Variants in KCNB2 observed in about 807,000 individuals in gnomAD.
KCNB2 encodes the protein delayed rectifier potassium channel protein.
A neutral mutation model predicts 61.5 loss-of-function variants in KCNB2; 15 were observed. The ratio of observed to expected loss-of-function variants is 0.24; its 90% CI spans 0.16 to 0.38. The LOEUF is 0.38. Ranked by LOEUF, KCNB2 falls within the 10% of genes least tolerant of loss-of-function variation. The pLI, the probability that KCNB2 is intolerant of heterozygous loss-of-function variation, is 1.00. For synonymous variants in KCNB2, 457 were observed against 446.0 expected (o/e 1.02, Z -0.31); for missense variants, 828 against 1,125.2 (o/e 0.74, Z 3.78).
chr8:72,930,498 G>A (rs1806756522), intron 2 of KCNB2, among the ~76,000 whole-genome samples: 1 of 152,150 alleles, frequency 6.6e-6, no homozygotes, highest in South Asian at 2.1e-4. Flanking sequence ...TCTAACTGGT[G>A]TGAGATGGTA....
At chr8:72,843,037 A>G (rs1809921373) in intron 2 of KCNB2, among the ~76,000 whole-genome samples, 1 of 152,088 alleles carries the variant, frequency 6.6e-6, no homozygotes, top group African/African-American at 2.4e-5. Flanking sequence ...TAGGGTGTCA[A>G]TTTTAGATCT....
At chr8:72,574,847 A>T (rs1451638670) in intron 2 of KCNB2, among the ~76,000 whole-genome samples, 1 of 151,998 alleles carries the variant, frequency 6.6e-6, no homozygotes, top group African/African-American at 2.4e-5. Flanking sequence ...TCAAGTGAGA[A>T]AGTTTGTAAA....
chr8:72,928,689 C>G (rs1236482195), intron 2 of KCNB2, among the ~76,000 whole-genome samples: 1 of 135,186 alleles, frequency 7.4e-6, no homozygotes, highest in Non-Finnish European at 1.5e-5. Context: ...CAGACACACA[C>G]ACACACACAC....
chr8:72,700,328 G>A (rs1034744381), intron 2 of KCNB2, among the ~76,000 whole-genome samples: 2 of 151,942 alleles, frequency 1.3e-5, no homozygotes, highest in Non-Finnish European at 2.9e-5. Flanking sequence ...AAACCTGCAC[G>A]TTCTGCACAT....
intron 2 of KCNB2, among the ~76,000 whole-genome samples, chr8:72,655,872 C>T (rs1250772666): frequency 6.6e-6 from 1 of 152,100 alleles, no homozygotes; most frequent in Non-Finnish European, 1.5e-5. Context: ...GGTTGCTGGG[C>T]AGTCAGTGCT....
At chr8:72,819,818 T>C (rs1809463016) in intron 2 of KCNB2, among the ~76,000 whole-genome samples, 1 of 152,202 alleles carries the variant, frequency 6.6e-6, no homozygotes, top group Non-Finnish European at 1.5e-5. Flanking sequence ...TTCTCATCTA[T>C]GTATTCCACT....
intron 2 of KCNB2, among the ~76,000 whole-genome samples, chr8:72,680,097 C>A (rs117976551): frequency 6.6e-6 from 1 of 152,136 alleles, no homozygotes; most frequent in African/African-American, 2.4e-5. Context: ...TATTGAATAC[C>A]TAATAAGATT....
At chr8:72,633,456 A>T (rs1805913793) in intron 2 of KCNB2, among the ~76,000 whole-genome samples, 1 of 152,150 alleles carries the variant, frequency 6.6e-6, no homozygotes, top group Admixed American at 6.5e-5. Flanking sequence ...CCAAAGTGCC[A>T]TTCGCCATGT....
intron 1 of KCNB2, among the ~76,000 whole-genome samples, chr8:72,547,402 T>G (rs1236163147): frequency 6.6e-6 from 1 of 152,192 alleles, no homozygotes; most frequent in Non-Finnish European, 1.5e-5. Context: ...ATTCCTCTGA[T>G]AGATCTGGAC....
At position 72,692,681 on chromosome 8, in the gene KCNB2, A is replaced by C. The variant is rs182659058; in HGVS notation, c.579+124368A>C. ...TCACAGATTATATAAGACAGCTTTTATATTTCTATAATTGTATTCCATATT... is the reference window on the plus strand; with the variant it reads ...TCACAGATTATATAAGACAGCTTTTCTATTTCTATAATTGTATTCCATATT... On this transcript the variant is annotated intron_variant, in intron 2 of 2. Coordinates refer to ENST00000523207, the MANE Select transcript of KCNB2 (RefSeq NM_004770.3). Among the ~76,000 whole-genome samples the C allele has an allele frequency of 2.1e-3, 320 of 152,032 alleles. 3 individuals carry two copies. The highest frequency in any genetic ancestry group is 7.3e-3 in the African/African-American group (301 of 41,504).
chr8:72,913,827 A>T lies in KCNB2; in HGVS notation c.580-22108A>T, dbSNP rs144506469. Among the ~76,000 whole-genome samples the T allele has an allele frequency of 1.9e-3, 285 of 152,290 alleles. 1 individual carries two copies. The highest frequency in any genetic ancestry group is 3.4e-3 in the Middle Eastern group (1 of 294). ...CTCCAGATATGACACTTTTCAACAA[A>T]CATTTCATGAATATATCATTGTTTG... On this transcript the variant is annotated intron_variant, in intron 2 of 2. Transcript: ENST00000523207.
chr8:72,901,344 C>T (rs13253030), intron 2 of KCNB2, among the ~76,000 whole-genome samples: 30,475 of 152,024 alleles, frequency 0.2, 3,209 homozygotes, highest in Non-Finnish European at 0.23. Context: ...AATAAAGAGA[C>T]GAAACCCTGC....
intron 2 of KCNB2, among the ~76,000 whole-genome samples, chr8:72,647,784 T>A (rs1054027138): frequency 4.6e-5 from 7 of 152,132 alleles, no homozygotes; most frequent in Non-Finnish European, 1.0e-4. Flanking sequence ...GCCCCCTAGC[T>A]GTCAATTATC....
chr8:72,546,146 A>G (rs537043784), intron 1 of KCNB2, among the ~76,000 whole-genome samples: 1 of 151,848 alleles, frequency 6.6e-6, no homozygotes, highest in African/African-American at 2.4e-5. Flanking sequence ...CTGTTTCTTC[A>G]AACAGAAGAA....
chr8:72,649,343 A>G (rs960156900), intron 2 of KCNB2, among the ~76,000 whole-genome samples: 3 of 152,146 alleles, frequency 2.0e-5, no homozygotes, highest in African/African-American at 4.8e-5. Flanking sequence ...ATATCAGTCA[A>G]TTTGCAAAGG....
chr8:72,615,610 A>G (rs1805608043), intron 2 of KCNB2, among the ~76,000 whole-genome samples: 1 of 152,170 alleles, frequency 6.6e-6, no homozygotes, highest in Non-Finnish European at 1.5e-5. Flanking sequence ...TCTGCCCCTT[A>G]AGAGGCCAGA....
chr8:72,855,566 T>C (rs1810193947), intron 2 of KCNB2, among the ~76,000 whole-genome samples: 1 of 152,204 alleles, frequency 6.6e-6, no homozygotes. Flanking sequence ...TTCCATATTA[T>C]TAAGCTTATT....
intron 2 of KCNB2, among the ~76,000 whole-genome samples, chr8:72,800,272 T>G (rs909411491): frequency 2.0e-5 from 3 of 152,162 alleles, no homozygotes; most frequent in Non-Finnish European, 2.9e-5. Context: ...CATCATGTCA[T>G]TGAATATAAC....
intron 2 of KCNB2, among the ~76,000 whole-genome samples, chr8:72,755,133 G>A (rs1000655741): frequency 6.6e-6 from 1 of 152,036 alleles, no homozygotes; most frequent in South Asian, 2.1e-4. Flanking sequence ...CAATTGAGGG[G>A]TGTTCTATAA....
Sources: gnomAD v4.1 joint callset for allele counts (sites outside exome capture counted in the v4.1 genomes callset) on GRCh38, gnomAD v4.1.1 for gene constraint, MANE v1.5 for transcripts, NCBI Gene and HGNC (gene_info 2026-07-23, HGNC 2026-07-21) for gene names.